The following BPIFC variants were observed in gnomAD, a reference collection of about 807,000 sequenced individuals.
BPIFC encodes the protein BPI fold-containing family C protein.
BPIFC carries 60 observed loss-of-function variants against 57.6 expected under a neutral mutation model. The observed-to-expected ratio is 1.04, with a 90% CI of 0.85 to 1.29. The LOEUF (loss-of-function observed/expected upper bound fraction) is 1.29, where lower values mean the gene tolerates loss of function less well. Ranked by LOEUF, BPIFC falls within the 50% of genes most tolerant of loss-of-function variation. The pLI, the probability that BPIFC is intolerant of heterozygous loss-of-function variation, is 0.00. For missense variants in BPIFC, 581 were observed against 600.5 expected (o/e 0.97, Z 0.34); for synonymous variants, 243 against 224.5 (o/e 1.08, Z -0.74).
intron 14 of BPIFC, 120 bp from the exon 15 acceptor site, chr22:32,417,268 T>A: frequency 1.4e-6 from 1 of 702,604 alleles, no homozygotes; most frequent in Non-Finnish European, 2.4e-6. Context: ...CTCGAACTCC[T>A]GGGCTCAAGC....
At chr22:32,430,275 G>A (rs1054817426) in intron 13 of BPIFC, among the ~76,000 whole-genome samples, 1 of 152,132 alleles carries the variant, frequency 6.6e-6, no homozygotes, top group African/African-American at 2.4e-5. Context: ...TGAGGCTCAA[G>A]GAGGTTAACA....
chr22:32,437,919 G>T, intron 8 of BPIFC, 68 bp from the exon 9 acceptor site: 1 of 878,766 alleles, frequency 1.1e-6, no homozygotes. Context: ...TATGAATGAT[G>T]TCTATCTAGA....
At chr22:32,429,692 T>C (rs762151825) in intron 13 of BPIFC, among the ~76,000 whole-genome samples, 3 of 151,648 alleles carry the variant, frequency 2.0e-5, no homozygotes, top group Non-Finnish European at 2.9e-5. Context: ...AATTTTTGTA[T>C]TTTTAGTAGA....
At chr22:32,461,515 T>A (rs1935159846) in intron 2 of BPIFC, 59 bp downstream of exon 2, 1 of 905,314 alleles carries the variant, frequency 1.1e-6, no homozygotes, top group South Asian at 5.1e-5. Context: ...AAGCCCTCCA[T>A]GTCCTGAGAG....
intron 4 of BPIFC, among the ~76,000 whole-genome samples, chr22:32,452,657 A>G (rs1934927865): frequency 6.6e-6 from 1 of 152,024 alleles, no homozygotes; most frequent in African/African-American, 2.4e-5. Context: ...AAAAACACAA[A>G]AAACAAAAAA....
intron 10 of BPIFC, among the ~76,000 whole-genome samples, chr22:32,434,407 AT>A (rs1934336042): frequency 6.7e-6 from 1 of 149,188 alleles, no homozygotes; most frequent in Non-Finnish European, 1.5e-5. Flanking sequence ...ATGTGTACAT[AT>A]TCTTTATATA....
intron 13 of BPIFC, among the ~76,000 whole-genome samples, chr22:32,425,946 C>T (rs1934055546): frequency 6.6e-6 from 1 of 152,136 alleles, no homozygotes; most frequent in Non-Finnish European, 1.5e-5. Flanking sequence ...GAAATGGAGT[C>T]CAAGAGAGGT....
Position 32,431,288 on chromosome 22 carries a change from C to T in BPIFC, c.1217+59G>A, listed in dbSNP as rs1362494386. On this transcript the variant is annotated intron_variant, in intron 13 of 16. Transcript: ENST00000300399. ...TGTTTTCTTAATGGTCACTTTGTCTCTGATCAGTTGACTCACTTATTACTA... is the reference window on the plus strand; with the variant it reads ...TGTTTTCTTAATGGTCACTTTGTCTTTGATCAGTTGACTCACTTATTACTA... The T allele has an allele frequency of 2.1e-6, 3 of 1,410,148 alleles. No homozygotes were observed. The East Asian group carries it at 6.8e-5, about 32-fold the overall frequency. The allele number at this position is 1,410,148 out of a possible 1,614,324, so 87.4% of individuals were successfully genotyped here.
intron 13 of BPIFC, among the ~76,000 whole-genome samples, chr22:32,427,814 C>G (rs1340493723): frequency 6.6e-6 from 1 of 152,108 alleles, no homozygotes; most frequent in Non-Finnish European, 1.5e-5. Context: ...TGGTGAAACC[C>G]CGTCTCTACT....
intron 8 of BPIFC, among the ~76,000 whole-genome samples, chr22:32,438,958 T>G (rs774086291): frequency 2.0e-5 from 3 of 152,086 alleles, no homozygotes; most frequent in Non-Finnish European, 4.4e-5. Context: ...ATCCAAATAA[T>G]TTTATGTATT....
In BPIFC at chr22:32,435,889, A is replaced by G; in HGVS notation, c.748-9T>C. 1 of 1,605,768 alleles carries G rather than the reference A, an allele frequency of 6.2e-7. No individual in the cohort carries two copies. Among genetic ancestry groups the G allele is most frequent in the South Asian group, 1.1e-5 (1 of 89,782 alleles). On this transcript the variant is annotated splice_polypyrimidine_tract_variant and intron_variant, in intron 9 of 16. Coordinates refer to ENST00000300399, the MANE Select transcript of BPIFC (RefSeq NM_174932.3). ...AGTGGGTAGAATACACCCTGTGGGA[A>G]AAGAGAGAGAAAGACCAGTGTATCA... is the stretch of plus-strand genomic sequence containing the variant.
At chr22:32,449,310 C>T (rs188756552) in intron 4 of BPIFC, among the ~76,000 whole-genome samples, 3 of 152,108 alleles carry the variant, frequency 2.0e-5, no homozygotes, top group African/African-American at 4.8e-5. Flanking sequence ...CAGGTAGGGG[C>T]GGGGAGACAA....
rs142363137 is a variant in BPIFC at position 32,452,109 on chromosome 22, C to T, written c.245+1274G>A. ...TAGAGATGGGTTTTCGTCATGTTGCCCAGGCTGGTCTCAAACTCCTGAGCT... is the reference window on the plus strand; with the variant it reads ...TAGAGATGGGTTTTCGTCATGTTGCTCAGGCTGGTCTCAAACTCCTGAGCT... On this transcript the variant is annotated intron_variant, in intron 4 of 16. Coordinates refer to ENST00000300399, the MANE Select transcript of BPIFC (RefSeq NM_174932.3). 1.9e-3 allele frequency among the ~76,000 whole-genome samples: 296 copies of T among 152,048 alleles called. 3 individuals carry two copies. The East Asian group carries it at 0.045, about 23-fold the overall frequency.
At chr22:32,461,124 A>AG (rs1335884262) in intron 2 of BPIFC, among the ~76,000 whole-genome samples, 1 of 151,842 alleles carries the variant, frequency 6.6e-6, no homozygotes, top group Non-Finnish European at 1.5e-5. Flanking sequence ...GTCTTACAGG[A>AG]GGGGCCAGAG....
At chr22:32,457,443 A>T (rs12165345) in intron 2 of BPIFC, 57 bp from the exon 3 acceptor site, 27,527 of 1,562,558 alleles carry the variant, frequency 0.018, 288 homozygotes, top group Non-Finnish European at 0.021. Flanking sequence ...TCTTTGGTCA[A>T]TTAAATCCAA....
At chr22:32,457,439 G>A in intron 2 of BPIFC, 53 bp from the exon 3 acceptor site, 10 of 1,566,786 alleles carry the variant, frequency 6.4e-6, no homozygotes, top group Non-Finnish European at 6.0e-6. Context: ...TTTCTCTTTG[G>A]TCAATTAAAT....
At position 32,424,656 on chromosome 22, in the gene BPIFC, CTTCT is replaced by C. The variant is rs1569447984; in HGVS notation, c.1218-5256_1218-5253del. 1.9e-4 allele frequency among the ~76,000 whole-genome samples: 12 copies of C among 62,646 alleles called. 1 individual carries two copies. Among genetic ancestry groups the C allele is most frequent in the African/African-American group, 8.0e-4 (7 of 8,760 alleles). 41.1% of individuals were successfully genotyped at this position (62,646 alleles called of 152,430 possible). On this transcript the variant is annotated intron_variant, in intron 13 of 16. Coordinates refer to ENST00000300399, the MANE Select transcript of BPIFC (RefSeq NM_174932.3). ...TTCTTCTTCTTCTCTTCTTCTTCTT[CTTCT>C]TCTTCTTCTTCTTCTTCTTCTTCTT...
rs57447537 is a variant in BPIFC at position 32,443,162 on chromosome 22, C to CTT, written c.595-433_595-432dup. Reference sequence around the variant, plus strand: ...CTACCTGGAATGGTTAGAGCTGGAGCTTTTTTTTTTTTTTTTTTTGAGACG... The same window carrying CTT: ...CTACCTGGAATGGTTAGAGCTGGAGCTTTTTTTTTTTTTTTTTTTTTGAGACG... On this transcript the variant is annotated intron_variant, in intron 7 of 16. Transcript: ENST00000300399. Among the ~76,000 whole-genome samples, 342 of 133,828 alleles carry CTT rather than the reference C, an allele frequency of 2.6e-3. 5 individuals carry two copies. Among genetic ancestry groups the CTT allele is most frequent in the African/African-American group, 7.7e-3 (280 of 36,454 alleles). 87.8% of individuals were successfully genotyped at this position (133,828 alleles called of 152,430 possible).
chr22:32,460,891 G>A lies in BPIFC; in HGVS notation c.-1+683C>T, dbSNP rs143716672. On this transcript the variant is annotated intron_variant, in intron 2 of 16. Coordinates refer to ENST00000300399, the MANE Select transcript of BPIFC (RefSeq NM_174932.3). ...GGTCTGGCTCAGTGCCTGGGATAGA[G>A]TGAGTGACTGTTAAGTGTTGGTAGA... Among the ~76,000 whole-genome samples, 546 of 152,350 alleles carry A rather than the reference G, an allele frequency of 3.6e-3. 2 individuals are homozygous for A. Among genetic ancestry groups the A allele is most frequent in the African/African-American group, 0.012 (514 of 41,582 alleles).
Sources: allele counts gnomAD v4.1 joint callset (sites outside exome capture counted in the v4.1 genomes callset), GRCh38; gene constraint gnomAD v4.1.1; transcripts MANE v1.5; gene names NCBI Gene and HGNC (gene_info 2026-07-23, HGNC 2026-07-21).